RORB: variants seen among roughly 807,000 people sequenced by gnomAD.
The protein encoded by RORB is nuclear receptor ROR-beta.
A neutral mutation model predicts 59.1 loss-of-function variants in RORB; 6 were observed. The observed-to-expected ratio is 0.10, with a 90% CI of 0.06 to 0.20. The LOEUF (loss-of-function observed/expected upper bound fraction) is 0.20, where lower values mean the gene tolerates loss of function less well. Among genes scored for constraint, RORB ranks in the 10% least tolerant of loss-of-function variants. The probability of loss-of-function intolerance (pLI) is 1.00; values close to 1 mark genes in which losing one functional copy is unlikely to be tolerated. For synonymous variants in RORB, 215 were observed against 204.5 expected (o/e 1.05, Z -0.44); for missense variants, 320 against 560.5 (o/e 0.57, Z 4.33).
At chr9:74,653,669 A>T (rs1824032095) in intron 4 of RORB, among the ~76,000 whole-genome samples, 1 of 152,104 alleles carries the variant, frequency 6.6e-6, no homozygotes, top group Admixed American at 6.6e-5. Context: ...TGCTCTTGGT[A>T]ATAACACCGA....
chr9:74,562,069 A>G (rs1184730188), intron 1 of RORB, among the ~76,000 whole-genome samples: 1 of 152,218 alleles, frequency 6.6e-6, no homozygotes, highest in Admixed American at 6.5e-5. Flanking sequence ...GCATGTTGTC[A>G]GTACGTCATA....
chr9:74,653,443 G>T, intron 4 of RORB, among the ~76,000 whole-genome samples: 1 of 149,636 alleles, frequency 6.7e-6, no homozygotes, highest in East Asian at 2.0e-4. Flanking sequence ...TTTTTAGGAA[G>T]AATACTTCCA....
chr9:74,633,291 T>A (rs977650631), intron 2 of RORB, among the ~76,000 whole-genome samples: 3 of 152,220 alleles, frequency 2.0e-5, no homozygotes, highest in Admixed American at 1.3e-4. Flanking sequence ...TCACTAGGCG[T>A]ACCTAGCCCT....
intron 4 of RORB, among the ~76,000 whole-genome samples, chr9:74,648,850 C>A (rs1237954945): frequency 1.3e-5 from 2 of 152,210 alleles, no homozygotes; most frequent in Non-Finnish European, 2.9e-5. Context: ...AAAGAGTGAG[C>A]TGCTGTACAG....
intron 1 of RORB, among the ~76,000 whole-genome samples, chr9:74,616,665 C>T (rs770803338): frequency 7.2e-5 from 11 of 152,248 alleles, no homozygotes; most frequent in South Asian, 2.1e-4. Flanking sequence ...GACATACTAA[C>T]GTCTATGTAC....
intron 1 of RORB, among the ~76,000 whole-genome samples, chr9:74,613,944 A>G (rs1823271897): frequency 6.6e-6 from 1 of 152,154 alleles, no homozygotes; most frequent in African/African-American, 2.4e-5. Flanking sequence ...TTCATGGTAT[A>G]TGTGTACCAT....
intron 1 of RORB, among the ~76,000 whole-genome samples, chr9:74,523,558 G>A (rs972267704): frequency 4.6e-5 from 7 of 151,880 alleles, no homozygotes; most frequent in Admixed American, 4.6e-4. Context: ...TCCCATATCT[G>A]TGTTATTGTA....
chr9:74,504,522 A>G (rs941417523), intron 1 of RORB, among the ~76,000 whole-genome samples: 1 of 152,076 alleles, frequency 6.6e-6, no homozygotes, highest in African/African-American at 2.4e-5. Flanking sequence ...CTTTGACTTA[A>G]GCATGTTCAC....
At chr9:74,684,686 C>T (rs1824608429) in intron 9 of RORB, among the ~76,000 whole-genome samples, 2 of 152,224 alleles carry the variant, frequency 1.3e-5, no homozygotes, top group Middle Eastern at 6.8e-3. Flanking sequence ...AGTGGATATC[C>T]TTCCACTCAT....
At chr9:74,604,482 CT>C (rs1823119572) in intron 1 of RORB, among the ~76,000 whole-genome samples, 1 of 152,200 alleles carries the variant, frequency 6.6e-6, no homozygotes, top group Non-Finnish European at 1.5e-5. Context: ...CATTCTATGA[CT>C]GTTTTTATCA....
chr9:74,503,648 C>T (rs535519806), intron 1 of RORB, among the ~76,000 whole-genome samples: 1 of 152,112 alleles, frequency 6.6e-6, no homozygotes, highest in Admixed American at 6.5e-5. Flanking sequence ...GAATTCAGGA[C>T]TGCCAAGTAA....
At chr9:74,629,617 A>T (rs1417222351) in intron 1 of RORB, among the ~76,000 whole-genome samples, 1 of 152,150 alleles carries the variant, frequency 6.6e-6, no homozygotes, top group Non-Finnish European at 1.5e-5. Context: ...TTTGTATTGA[A>T]TTCATATTTG....
chr9:74,544,551 T>A (rs1826459477), intron 1 of RORB, among the ~76,000 whole-genome samples: 1 of 152,228 alleles, frequency 6.6e-6, no homozygotes, highest in Non-Finnish European at 1.5e-5. Context: ...AGAGCCTGAA[T>A]GTCTTCACCT....
At position 74,687,098 on chromosome 9, in the gene RORB, A is replaced by T. The variant is rs896825351; in HGVS notation, c.*1480A>T. ...GCTCACCAATGAAATTAATCATAAG[A>T]AAAGCATATATTCCAAGAAATTTGT... On this transcript the variant is annotated 3_prime_UTR_variant, in exon 10 of 10. Transcript: ENST00000376896. 2.0e-5 allele frequency: 3 copies of T among 152,168 alleles called. No homozygotes were observed. Among genetic ancestry groups the T allele is most frequent in the Non-Finnish European group, 4.4e-5 (3 of 68,030 alleles). 9.4% of individuals were successfully genotyped at this position (152,168 alleles called of 1,614,324 possible).
intron 1 of RORB, among the ~76,000 whole-genome samples, chr9:74,623,650 A>G (rs551280930): frequency 1.3e-5 from 2 of 152,248 alleles, no homozygotes; most frequent in African/African-American, 2.4e-5. Context: ...TCAGGATCTC[A>G]TTCTAAAGCA....
chr9:74,677,068 T>C (rs921669655), intron 9 of RORB, among the ~76,000 whole-genome samples: 10 of 152,134 alleles, frequency 6.6e-5, no homozygotes, highest in African/African-American at 2.4e-4. Flanking sequence ...GAGTAAACAC[T>C]AGGCATTTCC....
chr9:74,663,421 T>C (rs1203571460), intron 6 of RORB, among the ~76,000 whole-genome samples: 1 of 152,146 alleles, frequency 6.6e-6, no homozygotes, highest in Admixed American at 6.6e-5. Flanking sequence ...CATTCAATAT[T>C]ACAAAACCAG....
chr9:74,670,509 A>T (rs1048694444), intron 8 of RORB, among the ~76,000 whole-genome samples: 1 of 152,196 alleles, frequency 6.6e-6, no homozygotes, highest in Non-Finnish European at 1.5e-5. Flanking sequence ...TAGAAAAAAA[A>T]CATACTATCA....
intron 1 of RORB, among the ~76,000 whole-genome samples, chr9:74,548,966 A>G (rs4745339): frequency 0.19 from 28,759 of 152,158 alleles, 2,860 homozygotes; most frequent in African/African-American, 0.26. Flanking sequence ...TAAATAAAAT[A>G]TATTAAAAAT....
Sources: gnomAD v4.1 joint callset for allele counts (sites outside exome capture counted in the v4.1 genomes callset) on GRCh38, gnomAD v4.1.1 for gene constraint, MANE v1.5 for transcripts, NCBI Gene and HGNC (gene_info 2026-07-23, HGNC 2026-07-21) for gene names.